LEPR: variants seen among roughly 807,000 people sequenced by gnomAD.
LEPR encodes the protein leptin receptor, also known as OB receptor.
In LEPR, 56 loss-of-function variants were observed where a neutral mutation model predicts 114.7. That is an observed-to-expected ratio of 0.49 (90% CI 0.39 to 0.61). The LOEUF (loss-of-function observed/expected upper bound fraction) is 0.61, where lower values mean the gene tolerates loss of function less well. LEPR is among the 20% of genes least tolerant of loss of function. The pLI, the probability that LEPR is intolerant of heterozygous loss-of-function variation, is 0.00. For synonymous variants in LEPR, 443 were observed against 461.4 expected, an observed-to-expected ratio of 0.96 and a Z score of 0.51; for missense variants, 1,202 against 1,352.9, an observed-to-expected ratio of 0.89 and a Z score of 1.75.
intron 7 of LEPR, among the ~76,000 whole-genome samples, chr1:65,598,436 A>G (rs915882207): frequency 6.6e-6 from 1 of 152,130 alleles, no homozygotes; most frequent in Non-Finnish European, 1.5e-5. Context: ...TTTGTTAATT[A>G]TCATTATGAT....
At chr1:65,437,637 C>G (rs1389276443) in intron 2 of LEPR, among the ~76,000 whole-genome samples, 1 of 151,268 alleles carries the variant, frequency 6.6e-6, no homozygotes, top group African/African-American at 2.4e-5. Context: ...AGAGGGAGAC[C>G]CCGTCTCCAA....
At chr1:65,511,078 T>C (rs1649006806) in intron 2 of LEPR, among the ~76,000 whole-genome samples, 1 of 152,190 alleles carries the variant, frequency 6.6e-6, no homozygotes. Flanking sequence ...ATTGCAAAGA[T>C]AGTACAGAAA....
chr1:65,454,087 A>G (rs1212560052), intron 2 of LEPR, among the ~76,000 whole-genome samples: 4 of 150,800 alleles, frequency 2.7e-5, no homozygotes, highest in Non-Finnish European at 5.9e-5. Flanking sequence ...CTGTTTTATC[A>G]GAGACTAGGA....
At chr1:65,548,971 G>T (rs1652033386) in intron 2 of LEPR, among the ~76,000 whole-genome samples, 1 of 152,128 alleles carries the variant, frequency 6.6e-6, no homozygotes. Flanking sequence ...CATGTTTAGT[G>T]CTTCCTTCAG....
chr1:65,477,949 A>T (rs767584213), intron 2 of LEPR, among the ~76,000 whole-genome samples: 6 of 152,194 alleles, frequency 3.9e-5, no homozygotes, highest in Non-Finnish European at 8.8e-5. Context: ...GGTAGTGGAC[A>T]TTGGATTACT....
intron 18 of LEPR, among the ~76,000 whole-genome samples, chr1:65,622,124 T>C (rs1183283760): frequency 6.6e-6 from 1 of 152,126 alleles, no homozygotes; most frequent in African/African-American, 2.4e-5. Flanking sequence ...ACAACATAAC[T>C]TCAAGGAAGA....
Position 65,553,958 on chromosome 1 carries a change from G to A in LEPR, c.-20-11588G>A, listed in dbSNP as rs1652620430. 3.3e-5 allele frequency among the ~76,000 whole-genome samples: 5 copies of A among 152,120 alleles called. 1 individual carries two copies. The South Asian group carries it at 1.0e-3, about 31-fold the overall frequency. On this transcript the variant is annotated intron_variant, in intron 2 of 19. Transcript: ENST00000349533. ...GTGTTAGTTTTCCTTCTACCAGTCA[G>A]GCCCTTCTGCTGCAGGTCTGATGGA...
intron 2 of LEPR, among the ~76,000 whole-genome samples, chr1:65,486,849 G>A (rs145789351): frequency 7.2e-5 from 11 of 152,232 alleles, no homozygotes; most frequent in Admixed American, 3.3e-4. Context: ...TTTCCAGCCC[G>A]TGGCTCCAGT....
At chr1:65,635,932 G>C (rs950582464) in intron 19 of LEPR, among the ~76,000 whole-genome samples, 1 of 152,168 alleles carries the variant, frequency 6.6e-6, no homozygotes, top group African/African-American at 2.4e-5. Flanking sequence ...AAGGCAGAGA[G>C]GTTAGTGTAC....
At chr1:65,515,507 GT>G (rs1181420862) in intron 2 of LEPR, among the ~76,000 whole-genome samples, 2 of 152,168 alleles carry the variant, frequency 1.3e-5, no homozygotes, top group Admixed American at 1.3e-4. Flanking sequence ...TATAGATACA[GT>G]TTTATTTTTA....
chr1:65,498,215 T>C (rs1399876323), intron 2 of LEPR, among the ~76,000 whole-genome samples: 2 of 152,120 alleles, frequency 1.3e-5, no homozygotes, highest in African/African-American at 4.8e-5. Flanking sequence ...CCCTACAACG[T>C]TGACTTAGCT....
chr1:65,458,532 C>T (rs552771719), intron 2 of LEPR, among the ~76,000 whole-genome samples: 12 of 152,206 alleles, frequency 7.9e-5, no homozygotes, highest in East Asian at 3.9e-4. Context: ...AGAATTCCAA[C>T]GTAATACTTA....
At chr1:65,616,289 T>C in intron 15 of LEPR, 65 bp downstream of exon 15, 1 of 1,492,458 alleles carries the variant, frequency 6.7e-7, no homozygotes, top group Non-Finnish European at 9.2e-7. Flanking sequence ...CAAACTCTCC[T>C]ATTTTAAATT....
chr1:65,579,802 T>C (rs1007328971), intron 5 of LEPR, among the ~76,000 whole-genome samples: 3 of 152,108 alleles, frequency 2.0e-5, no homozygotes, highest in Non-Finnish European at 2.9e-5. Flanking sequence ...AAAAGATAAG[T>C]ATATGTGTAA....
In LEPR at chr1:65,474,068, T is replaced by C. The variant is rs147782499; in HGVS notation, c.-21+48690T>C. The stretch of plus-strand genomic sequence containing the variant: ...AAAAGTGATTGAACAGGGAAATCAA[T>C]GTTTGTTCCCATCTGTGGGTGCTGT... On this transcript the variant is annotated intron_variant, in intron 2 of 19. Coordinates refer to ENST00000349533, the MANE Select transcript of LEPR (RefSeq NM_002303.6). 3.4e-3 allele frequency among the ~76,000 whole-genome samples: 517 copies of C among 152,334 alleles called. 2 individuals carry two copies. The highest frequency in any genetic ancestry group is 0.011 in the African/African-American group (466 of 41,582).
intron 2 of LEPR, among the ~76,000 whole-genome samples, chr1:65,491,413 A>T (rs10128072): frequency 6.6e-6 from 1 of 151,974 alleles, no homozygotes; most frequent in South Asian, 2.1e-4. Flanking sequence ...AAATCTAACG[A>T]GCTTATGTTA....
intron 5 of LEPR, chr1:65,576,345 A>T (rs1163831593): frequency 6.5e-6 from 1 of 152,764 alleles, no homozygotes; most frequent in Admixed American, 6.6e-5. Context: ...GACAAAGAAG[A>T]TGGTTTAAAA....
chr1:65,590,493 G>A (rs188293868), intron 5 of LEPR, among the ~76,000 whole-genome samples: 1,921 of 151,434 alleles, frequency 0.013, 23 homozygotes, highest in South Asian at 0.025. Flanking sequence ...CTATTATGGC[G>A]GTTACCTCCA....
At chr1:65,626,043 CAGGAGGGCCATGAA>C in intron 19 of LEPR, 1 of 1,312,662 alleles carries the variant, frequency 7.6e-7, no homozygotes, top group Non-Finnish European at 1.1e-6. Flanking sequence ...TCTCAGTGTT[CAGGAGGGCCATGAA>C]ATGATCAGGC....
Sources: allele counts gnomAD v4.1 joint callset (sites outside exome capture counted in the v4.1 genomes callset), GRCh38; gene constraint gnomAD v4.1.1; transcripts MANE v1.5; gene names NCBI Gene and HGNC (gene_info 2026-07-23, HGNC 2026-07-21).